The following KCTD1 variants were observed in gnomAD, a reference collection of about 807,000 sequenced individuals.
KCTD1 encodes BTB/POZ domain-containing protein KCTD1.
In KCTD1, 24 loss-of-function variants were observed where a neutral mutation model predicts 66.0. That is an observed-to-expected ratio of 0.36 (90% CI 0.26 to 0.51). The LOEUF is 0.51. Ranked by LOEUF, KCTD1 falls within the 20% of genes least tolerant of loss-of-function variation. The pLI is 0.95. For synonymous variants in KCTD1, 511 were observed against 517.2 expected (o/e 0.99, Z 0.16); for missense variants, 943 against 1,205.2 (o/e 0.78, Z 3.22).
chr18:26,476,414 G>A lies in KCTD1; in HGVS notation c.2133+101C>T, dbSNP rs16942351. 31 of 1,106,660 alleles carry A rather than the reference G, an allele frequency of 2.8e-5. 2 individuals are homozygous for A. In the South Asian group the frequency reaches 3.4e-4, roughly 12 times the overall value. The allele number at this position is 1,106,660 out of a possible 1,614,324, so 68.6% of individuals were successfully genotyped here. ...GTCAAAGAGAACTCTGGCACCTTTC[G>A]AGTTGGTGTATGTTAATAATGTAGA... is the stretch of plus-strand genomic sequence containing the variant. On this transcript the variant is annotated intron_variant, in intron 3 of 4. Coordinates refer to ENST00000580059, the MANE Select transcript of KCTD1 (RefSeq NM_001142730.3). The surrounding 1 kb of genome is among the most constrained non-coding windows in gnomAD (Gnocchi z 4.9).
chr18:26,539,001 T>A (rs1984846951), intron 1 of KCTD1, among the ~76,000 whole-genome samples: 1 of 152,250 alleles, frequency 6.6e-6, no homozygotes, highest in Non-Finnish European at 1.5e-5. Flanking sequence ...TGTGATGCTG[T>A]CTTTTAACAA....
At chr18:26,551,849 A>G (rs942204618), upstream of KCTD1, among the ~76,000 whole-genome samples, 11 of 152,288 alleles carry the variant, frequency 7.2e-5, no homozygotes, top group African/African-American at 2.6e-4. Flanking sequence ...CGTTCTGCCT[A>G]TCAGGCAGCA....
At chr18:26,492,958 T>C (rs528734657) in intron 2 of KCTD1, among the ~76,000 whole-genome samples, 1 of 152,344 alleles carries the variant, frequency 6.6e-6, no homozygotes, top group South Asian at 2.1e-4. Context: ...TCAATTATTT[T>C]CCCTTCATTC....
Position 26,573,555 on chromosome 18 carries a change from G to A in KCTD1, c.-16+55592C>T, listed in dbSNP as rs569969646. The stretch of plus-strand genomic sequence containing the variant: ...CAACTATGCCGGAAGACGTGATAAG[G>A]TGGTGAGAAGCTGGTTATCTCTGGA... On this transcript the variant is annotated intron_variant, in intron 1 of 4. Coordinates refer to the KCTD1 transcript ENST00000317932. Among the ~76,000 whole-genome samples the A allele has an allele frequency of 2.6e-5, 4 of 152,316 alleles. No homozygotes were observed. In the South Asian group the frequency reaches 6.2e-4, roughly 24 times the overall value.
At chr18:26,575,740 CA>C (rs777101181) in intron 1 of KCTD1, 3 of 152,178 alleles carry the variant, frequency 2.0e-5, no homozygotes, top group Non-Finnish European at 4.4e-5. Context: ...TATGCTCCCC[CA>C]AACTTCTCAG....
chr18:26,558,439 C>G (rs1208784614), intron 1 of KCTD1, among the ~76,000 whole-genome samples: 1 of 152,160 alleles, frequency 6.6e-6, no homozygotes, highest in Admixed American at 6.5e-5. Context: ...TACAATCCAG[C>G]AATCCCACTG....
intron 1 of KCTD1, among the ~76,000 whole-genome samples, chr18:26,515,509 C>CCT (rs778300921): frequency 3.0e-5 from 4 of 133,124 alleles, no homozygotes; most frequent in Non-Finnish European, 6.3e-5. Flanking sequence ...CCTCTTTTTT[C>CCT]TTTTTTTTTT....
rs140429016 is a variant in KCTD1, at chr18:26,456,010, C to A, written c.2440-109G>T. On this transcript the variant is annotated intron_variant, in intron 4 of 4. Transcript: ENST00000580059. ...GCACTCTGGTTCATCTCATCCAGCACCCATGTCCCTGTGAGCTGCTCCTCT... is the reference window on the plus strand; with the variant it reads ...GCACTCTGGTTCATCTCATCCAGCAACCATGTCCCTGTGAGCTGCTCCTCT... 7.7e-5 allele frequency: 79 copies of A among 1,027,176 alleles called. 2 individuals are homozygous for A. In the East Asian group the frequency reaches 1.2e-3, roughly 16 times the overall value. 63.6% of individuals were successfully genotyped at this position (1,027,176 alleles called of 1,614,324 possible). A position where few individuals can be genotyped will look rare whatever the true frequency, so the allele number is the denominator to read the frequency against.
intron 1 of KCTD1, among the ~76,000 whole-genome samples, chr18:26,634,760 T>A (rs1196622184): frequency 1.3e-5 from 2 of 152,204 alleles, no homozygotes; most frequent in Admixed American, 1.3e-4. Flanking sequence ...TTCAGCCCTC[T>A]CTATTTTACG....
In KCTD1 at chr18:26,548,360, T is replaced by G; in HGVS notation, c.177A>C (p.Glu59Asp). The change falls in exon 1 of 5, where the codon GAA becomes GAC. Residue 59 changes from glutamate to aspartate, a missense_variant. This residue lies in a region of KCTD1 where 236 missense variants were observed against 206.6 expected (regional missense o/e 1.14). Coordinates refer to ENST00000580059, the MANE Select transcript of KCTD1 (RefSeq NM_001142730.3). ...HYCSAGEEEE[E>D]EEEEDEIQEV... ...CCTGGATCTCGTCCTCCTCCTCCTCTTCCTCCTCCTCCTCGCCCGCGCTGC... is the reference window on the plus strand; with the variant it reads ...CCTGGATCTCGTCCTCCTCCTCCTCGTCCTCCTCCTCCTCGCCCGCGCTGC... 4 of 1,477,222 alleles carry G rather than the reference T, an allele frequency of 2.7e-6. No individual in the cohort carries two copies. Among genetic ancestry groups the G allele is most frequent in the Non-Finnish European group, 2.7e-6 (3 of 1,114,268 alleles). The allele number at this position is 1,477,222 out of a possible 1,614,324, so 91.5% of individuals were successfully genotyped here.
At chr18:26,657,461 C>G, upstream of KCTD1, 1 of 893,222 alleles carries the variant, frequency 1.1e-6, no homozygotes, top group Non-Finnish European at 1.3e-6. Context: ...CTCGCCACAC[C>G]AGAGAGAAAT....
In KCTD1 at chr18:26,507,629, C is replaced by A. The variant is rs567512206; in HGVS notation, c.1810-6379G>T. Among the ~76,000 whole-genome samples the A allele has an allele frequency of 3.9e-5, 6 of 152,120 alleles. No homozygotes were observed. In the East Asian group the frequency reaches 1.2e-3, roughly 29 times the overall value. ...TGGCCTCAAGTGATCAAATGCCTTACGACCCCTCACAAACACATTCATTTC... is the reference window on the plus strand; with the variant it reads ...TGGCCTCAAGTGATCAAATGCCTTAAGACCCCTCACAAACACATTCATTTC... On this transcript the variant is annotated intron_variant, in intron 1 of 4. Coordinates refer to ENST00000580059, the MANE Select transcript of KCTD1 (RefSeq NM_001142730.3).
At chr18:26,598,077 C>G (rs1986809208) in intron 1 of KCTD1, among the ~76,000 whole-genome samples, 1 of 152,148 alleles carries the variant, frequency 6.6e-6, no homozygotes, top group African/African-American at 2.4e-5. Flanking sequence ...GACTTCCCCT[C>G]AACTCCTAGC....
chr18:26,524,353 G>A (rs1557319), intron 1 of KCTD1, among the ~76,000 whole-genome samples: 54,353 of 152,056 alleles, frequency 0.36, 11,032 homozygotes, highest in East Asian at 0.61. Flanking sequence ...GACTCCCAAA[G>A]CTTCCCCTAA....
intron 3 of KCTD1, among the ~76,000 whole-genome samples, chr18:26,463,340 C>T (rs941994059): frequency 1.3e-5 from 2 of 151,696 alleles, no homozygotes; most frequent in Non-Finnish European, 2.9e-5. Flanking sequence ...CCTGTGGTCC[C>T]AGCTAAGTTG....
upstream of KCTD1, chr18:26,548,669 T>C (rs1985400905): frequency 5.0e-6 from 5 of 991,060 alleles, no homozygotes; most frequent in East Asian, 5.1e-5. Context: ...CGCGCTCCAA[T>C]TGTCATTCCC....
intron 1 of KCTD1, among the ~76,000 whole-genome samples, chr18:26,647,353 A>T (rs1399135463): frequency 6.9e-6 from 1 of 144,270 alleles, no homozygotes; most frequent in Non-Finnish European, 1.5e-5. Flanking sequence ...TCTCTACTAA[A>T]AATACAAAAA....
intron 1 of KCTD1, among the ~76,000 whole-genome samples, chr18:26,603,802 T>C (rs1420925504): frequency 7.0e-6 from 1 of 142,440 alleles, no homozygotes; most frequent in Non-Finnish European, 1.6e-5. Flanking sequence ...CCCCACACTA[T>C]GAAAACCCTA....
chr18:26,479,057 AAAC>A (rs1981489547), intron 2 of KCTD1, among the ~76,000 whole-genome samples: 6 of 152,228 alleles, frequency 3.9e-5, no homozygotes, highest in Admixed American at 3.3e-4. Flanking sequence ...CAAGAACAAA[AAAC>A]AACCTCGGGT....
Sources: gnomAD v4.1 joint callset for allele counts (sites outside exome capture counted in the v4.1 genomes callset) on GRCh38, gnomAD v4.1.1 for gene constraint, gnomAD v4.1.1 regional missense constraint, Gnocchi (gnomAD v3.1) non-coding constraint, MANE v1.5 for transcripts, NCBI Gene and HGNC (gene_info 2026-07-23, HGNC 2026-07-21) for gene names.